Variants in DPH6 observed in about 807,000 individuals in gnomAD.
DPH6 encodes diphthine--ammonia ligase.
DPH6 carries 33 observed loss-of-function variants against 38.2 expected under a neutral mutation model. That is an observed-to-expected ratio of 0.86 (90% CI 0.65 to 1.15). The LOEUF (loss-of-function observed/expected upper bound fraction) is 1.15, where lower values mean the gene tolerates loss of function less well. DPH6 is among the 50% of genes most tolerant of loss of function. The probability of loss-of-function intolerance (pLI) is 0.00; values close to 1 mark genes in which losing one functional copy is unlikely to be tolerated. For missense variants in DPH6, 325 were observed against 320.0 expected (o/e 1.02, Z -0.12); for synonymous variants, 108 against 103.0 (o/e 1.05, Z -0.30).
At chr15:35,522,223 A>C in intron 3 of DPH6, 1 of 1,613,290 alleles carries the variant, frequency 6.2e-7, no homozygotes. Flanking sequence ...ATGCATGTGA[A>C]AATCTTGGAG....
intron 7 of DPH6, among the ~76,000 whole-genome samples, chr15:35,379,670 T>G (rs914942903): frequency 6.6e-6 from 1 of 152,206 alleles, no homozygotes; most frequent in Non-Finnish European, 1.5e-5. Context: ...GGAGATTTTG[T>G]TTATATTAAG....
At chr15:35,150,685 C>T in the DPH6 span, among the ~76,000 whole-genome samples, 2 of 152,158 alleles carry the variant, frequency 1.3e-5, no homozygotes, top group Non-Finnish European at 2.9e-5. Flanking sequence ...ATGCTACAGC[C>T]TTTACATGGG....
At position 35,267,797 on chromosome 15, in the gene DPH6, T is replaced by G. The variant is rs72708910; in HGVS notation, n.201-47215A>C. Among the ~76,000 whole-genome samples the G allele has an allele frequency of 2.1e-3, 326 of 152,280 alleles. 2 individuals are homozygous for G. The highest frequency in any genetic ancestry group is 5.0e-3 in the East Asian group (26 of 5,176). The stretch of plus-strand genomic sequence containing the variant: ...AGGACTCTTGGGTTTCTTAGTCCAG[T>G]GCTCAAATAGGATCCTAGTGCTACC... On this transcript the variant is annotated intron_variant and non_coding_transcript_variant, in intron 3 of 3. Coordinates refer to the DPH6 transcript ENST00000560386.
chr15:35,362,833 A>G (rs182965479), intron 3 of DPH6, among the ~76,000 whole-genome samples: 10 of 152,256 alleles, frequency 6.6e-5, no homozygotes, highest in Non-Finnish European at 1.0e-4. Flanking sequence ...TGTCTGGGGT[A>G]GTGTGACTTT....
chr15:35,155,268 A>T, the DPH6 span, among the ~76,000 whole-genome samples: 1 of 107,544 alleles, frequency 9.3e-6, no homozygotes, highest in Non-Finnish European at 2.5e-5. Context: ...CCAGAGAACT[A>T]TAAAAGTTTG....
At chr15:35,531,976 T>C (rs1431695876) in intron 3 of DPH6, among the ~76,000 whole-genome samples, 5 of 152,082 alleles carry the variant, frequency 3.3e-5, no homozygotes, top group Non-Finnish European at 5.9e-5. Context: ...AGTAGAGTTA[T>C]AGACAAGCTG....
chr15:35,284,384 T>A (rs879393716), intron 3 of DPH6, among the ~76,000 whole-genome samples: 1 of 152,154 alleles, frequency 6.6e-6, no homozygotes, highest in Non-Finnish European at 1.5e-5. Flanking sequence ...ATGTGTTATT[T>A]GGCTAAATTT....
chr15:35,356,435 T>C (rs1173802343), intron 3 of DPH6, among the ~76,000 whole-genome samples: 1 of 152,204 alleles, frequency 6.6e-6, no homozygotes, highest in Admixed American at 6.5e-5. Context: ...TGGTCTTTGA[T>C]GATGGTGACG....
At chr15:35,342,217 T>C (rs763327813) in intron 3 of DPH6, among the ~76,000 whole-genome samples, 2 of 152,218 alleles carry the variant, frequency 1.3e-5, no homozygotes, top group Non-Finnish European at 2.9e-5. Context: ...AGAATATGTA[T>C]AATTCCTGGT....
chr15:35,181,840 A>G, the DPH6 span: 1 of 152,220 alleles, frequency 6.6e-6, no homozygotes, highest in South Asian at 2.1e-4. Flanking sequence ...GAGAATTATC[A>G]TGAGACCTAT....
At chr15:35,175,848 T>A in the DPH6 span, among the ~76,000 whole-genome samples, 2 of 152,154 alleles carry the variant, frequency 1.3e-5, no homozygotes, top group Non-Finnish European at 2.9e-5. Context: ...ACACAAAAAA[T>A]AAATTCCTTG....
At chr15:35,407,858 G>T (rs1334858481) in intron 6 of DPH6, among the ~76,000 whole-genome samples, 3 of 151,938 alleles carry the variant, frequency 2.0e-5, no homozygotes, top group Non-Finnish European at 4.4e-5. Context: ...ATCGTACAGG[G>T]TCTCACAAGT....
intron 2 of DPH6, among the ~76,000 whole-genome samples, chr15:35,540,775 A>G (rs2141565464): frequency 1.3e-5 from 2 of 152,260 alleles, no homozygotes; most frequent in East Asian, 3.9e-4. Context: ...GGAAGATTAT[A>G]TATTAATGGT....
At chr15:35,214,127 A>G (rs1170373805), downstream of DPH6, among the ~76,000 whole-genome samples, 4 of 149,394 alleles carry the variant, frequency 2.7e-5, no homozygotes, top group African/African-American at 1.0e-4. Flanking sequence ...AAAAAAAAAA[A>G]GGCTTAAAGA....
intron 3 of DPH6, among the ~76,000 whole-genome samples, chr15:35,335,869 T>C (rs2052367797): frequency 1.3e-5 from 2 of 152,202 alleles, no homozygotes; most frequent in Non-Finnish European, 2.9e-5. Flanking sequence ...CTCTTTGGCC[T>C]GTGTTTTGGT....
chr15:35,267,789 T>C (rs764596206), intron 3 of DPH6, among the ~76,000 whole-genome samples: 6 of 152,188 alleles, frequency 3.9e-5, no homozygotes, highest in Non-Finnish European at 8.8e-5. Context: ...TTGGGTTTCT[T>C]AGTCCAGTGC....
chr15:35,244,739 T>C (rs2051624250), intron 3 of DPH6, among the ~76,000 whole-genome samples: 1 of 152,160 alleles, frequency 6.6e-6, no homozygotes, highest in African/African-American at 2.4e-5. Context: ...TTAGGATGGG[T>C]GAGTGAAGCT....
In DPH6 at chr15:35,486,025, C is replaced by T. The variant is rs2054393248; in HGVS notation, c.313-31205G>A. Among the ~76,000 whole-genome samples, 3 of 152,164 alleles carry T rather than the reference C, an allele frequency of 2.0e-5. No individual in the cohort carries two copies. In the South Asian group the frequency reaches 6.2e-4, roughly 32 times the overall value. The stretch of plus-strand genomic sequence containing the variant: ...TTGGGTGTATTAGTCCATTCTCATG[C>T]TGCTATAAAGAAACACCTGAGACTT... On this transcript the variant is annotated intron_variant, in intron 3 of 8. Transcript: ENST00000256538.
At chr15:35,268,738 T>C (rs1384401250) in intron 3 of DPH6, among the ~76,000 whole-genome samples, 1 of 134,824 alleles carries the variant, frequency 7.4e-6, no homozygotes, top group African/African-American at 2.8e-5. Context: ...ATTGAAGGTA[T>C]AAAAAATGGA....
Sources: gnomAD v4.1 joint callset for allele counts (sites outside exome capture counted in the v4.1 genomes callset) on GRCh38, gnomAD v4.1.1 for gene constraint, MANE v1.5 for transcripts, NCBI Gene and HGNC (gene_info 2026-07-23, HGNC 2026-07-21) for gene names.